Variants in DIP2C observed in about 807,000 individuals in gnomAD.
DIP2C encodes disco-interacting protein 2 homolog C.
A neutral mutation model predicts 192.4 loss-of-function variants in DIP2C; 33 were observed. The ratio of observed to expected loss-of-function variants is 0.17; its 90% CI spans 0.13 to 0.23. DIP2C has a LOEUF of 0.23. DIP2C is among the 10% of genes least tolerant of loss of function. The probability of loss-of-function intolerance (pLI) is 1.00; values close to 1 mark genes in which losing one functional copy is unlikely to be tolerated. For synonymous variants in DIP2C, 979 were observed against 864.1 expected, an observed-to-expected ratio of 1.13 and a Z score of -2.33; for missense variants, 1,537 against 2,110.1, an observed-to-expected ratio of 0.73 and a Z score of 5.32.
At chr10:376,743 C>T (rs1183285109) in intron 17 of DIP2C, among the ~76,000 whole-genome samples, 5 of 152,076 alleles carry the variant, frequency 3.3e-5, no homozygotes, top group Admixed American at 6.6e-5. Context: ...TTTTTCACAG[C>T]AGCAGAATGA....
chr10:393,916 G>A (rs1471249672), intron 10 of DIP2C, among the ~76,000 whole-genome samples: 4 of 150,952 alleles, frequency 2.6e-5, no homozygotes, highest in East Asian at 1.9e-4. Context: ...AAAAATACCC[G>A]TTGATGAGGA....
chr10:591,470 A>G (rs1191016687), intron 1 of DIP2C, among the ~76,000 whole-genome samples: 1 of 151,910 alleles, frequency 6.6e-6, no homozygotes, highest in African/African-American at 2.4e-5. Flanking sequence ...CCACTCCCCT[A>G]TTTTGTTAAA....
In DIP2C at chr10:650,183, T is replaced by TG. The variant is rs775339036; in HGVS notation, c.85+39310dup. 110 of 717,386 alleles carry TG rather than the reference T, an allele frequency of 1.5e-4. 2 individuals carry two copies. The South Asian group carries it at 1.6e-3, about 11-fold the overall frequency. The allele number at this position is 717,386 out of a possible 1,614,324, so 44.4% of individuals were successfully genotyped here. On this transcript the variant is annotated intron_variant, in intron 1 of 36. Coordinates refer to ENST00000280886, the MANE Select transcript of DIP2C (RefSeq NM_014974.3). ...CCAGCAGAGTCAACACTGGAGGTCC[T>TG]GCGGGGTGGGTGGTGCTGGGGAGGC...
intron 3 of DIP2C, among the ~76,000 whole-genome samples, chr10:470,582 A>AC (rs1310717524): frequency 5.9e-5 from 9 of 151,880 alleles, no homozygotes; most frequent in Admixed American, 1.3e-4. Flanking sequence ...GACAACCACA[A>AC]CCCGCCATGC....
intron 1 of DIP2C, among the ~76,000 whole-genome samples, chr10:653,736 T>C (rs144745070): frequency 6.6e-5 from 10 of 152,334 alleles, no homozygotes; most frequent in African/African-American, 2.4e-4. Flanking sequence ...GCCCACCAAT[T>C]GTGCTGTGGC....
chr10:657,737 A>G (rs1588700075), intron 1 of DIP2C, among the ~76,000 whole-genome samples: 1 of 139,166 alleles, frequency 7.2e-6, no homozygotes, highest in Admixed American at 7.1e-5. Flanking sequence ...CTGCCGCTGG[A>G]CCTGACACTG....
At chr10:502,813 AGAAAG>A (rs1564795594) in intron 1 of DIP2C, among the ~76,000 whole-genome samples, 1 of 152,178 alleles carries the variant, frequency 6.6e-6, no homozygotes, top group African/African-American at 2.4e-5. Context: ...CACTGAAGAA[AGAAAG>A]GAAAGAGCTA....
intron 1 of DIP2C, among the ~76,000 whole-genome samples, chr10:678,250 A>G (rs564846161): frequency 1.3e-5 from 2 of 152,294 alleles, no homozygotes; most frequent in African/African-American, 4.8e-5. Flanking sequence ...TCTTCCAGAT[A>G]TGCCCAGACT....
intron 13 of DIP2C, among the ~76,000 whole-genome samples, chr10:388,726 G>T (rs763399276): frequency 2.0e-5 from 3 of 152,328 alleles, no homozygotes; most frequent in Middle Eastern, 3.4e-3. Flanking sequence ...TTATGAGGAT[G>T]GGCAGATAAT....
At chr10:362,101 A>C (rs1446803961) in intron 22 of DIP2C, among the ~76,000 whole-genome samples, 1 of 152,230 alleles carries the variant, frequency 6.6e-6, no homozygotes, top group Admixed American at 6.5e-5. Context: ...ATATTTAAGG[A>C]AATCTGCAAC....
intron 1 of DIP2C, among the ~76,000 whole-genome samples, chr10:611,503 C>A (rs1203235359): frequency 6.6e-6 from 1 of 152,186 alleles, no homozygotes. Context: ...TTCCCCATCT[C>A]TGGCAAACCA....
rs187399694 is a variant in DIP2C at position 339,823 on chromosome 10, A to G, written c.3584+1376T>C. ...ATTAGAATATCGGTATTTTTCAAAA[A>G]TACAGAATTACATTTTAATACAACT... On this transcript the variant is annotated intron_variant, in intron 29 of 36. Coordinates refer to ENST00000280886, the MANE Select transcript of DIP2C (RefSeq NM_014974.3). Among the ~76,000 whole-genome samples, 10 of 152,384 alleles carry G rather than the reference A, an allele frequency of 6.6e-5. No individual in the cohort carries two copies. In the East Asian group the frequency reaches 1.7e-3, roughly 26 times the overall value.
chr10:535,941 C>A (rs527503029), intron 1 of DIP2C, among the ~76,000 whole-genome samples: 1 of 152,372 alleles, frequency 6.6e-6, no homozygotes, highest in African/African-American at 2.4e-5. Flanking sequence ...TCTCCCATTG[C>A]TCCCGTAAGC....
At chr10:453,288 G>A (rs1969002864) in intron 3 of DIP2C, among the ~76,000 whole-genome samples, 1 of 152,050 alleles carries the variant, frequency 6.6e-6, no homozygotes, top group South Asian at 2.1e-4. Flanking sequence ...CCAGATGAGA[G>A]GCCGTGGAAT....
chr10:412,385 C>T (rs529039225), intron 8 of DIP2C, among the ~76,000 whole-genome samples: 2 of 152,278 alleles, frequency 1.3e-5, no homozygotes, highest in Admixed American at 6.5e-5. Flanking sequence ...CATGCAGCAG[C>T]GACTCCAAGT....
At chr10:335,602 C>A (rs1437853440) in intron 29 of DIP2C, among the ~76,000 whole-genome samples, 1 of 152,234 alleles carries the variant, frequency 6.6e-6, no homozygotes, top group African/African-American at 2.4e-5. Context: ...TCCAATCAGT[C>A]CCCTAACTTG....
chr10:541,025 GC>G (rs1847954476), intron 1 of DIP2C, among the ~76,000 whole-genome samples: 5 of 133,588 alleles, frequency 3.7e-5, no homozygotes, highest in African/African-American at 1.6e-4. Context: ...AACACCCGAT[GC>G]TGGGGAGCCA....
rs1293245411 is a variant in DIP2C at position 348,690 on chromosome 10, T to C, written c.3182A>G (p.His1061Arg). The change falls in exon 26 of 37, where the codon CAC becomes CGC. Residue 1061 changes from histidine to arginine, a missense_variant. By Grantham distance (29) the His-to-Arg change is conservative. Around this residue, in one of 4 missense-constraint regions of DIP2C, gnomAD observed 677 missense variants for 989.9 expected, o/e 0.68. Transcript: ENST00000280886. ...CAACGTCGTCGCGATGTTCTGTGGG[T>C]GCGGGGGACGGACGGTTATTGGCAC... ...GCVPITVRPPHPQNIATTLPT... is the reference protein window; with the variant it reads ...GCVPITVRPPRPQNIATTLPT... 1 of 1,613,796 alleles carries C rather than the reference T, an allele frequency of 6.2e-7. No homozygotes were observed. The highest frequency in any genetic ancestry group is 1.3e-5 in the African/African-American group (1 of 74,904).
chr10:627,498 A>G (rs1854271177), intron 1 of DIP2C, among the ~76,000 whole-genome samples: 1 of 152,206 alleles, frequency 6.6e-6, no homozygotes, highest in Non-Finnish European at 1.5e-5. Context: ...GCCGGTTCTC[A>G]CCACACCAGA....
Sources: gnomAD v4.1 joint callset for allele counts (sites outside exome capture counted in the v4.1 genomes callset) on GRCh38, gnomAD v4.1.1 for gene constraint, gnomAD v4.1.1 regional missense constraint, MANE v1.5 for transcripts, NCBI Gene and HGNC (gene_info 2026-07-23, HGNC 2026-07-21) for gene names.